The following CTNNBIP1 variants were observed in gnomAD, a reference collection of about 807,000 sequenced individuals.
The protein encoded by CTNNBIP1 is catenin beta interacting protein 1.
CTNNBIP1 carries 7 observed loss-of-function variants against 11.8 expected under a neutral mutation model. The observed-to-expected ratio is 0.60, with a 90% CI of 0.34 to 1.12. The LOEUF is 1.12. Among genes scored for constraint, CTNNBIP1 ranks in the 50% most tolerant of loss-of-function variants. The pLI is 0.03. For missense variants in CTNNBIP1, 101 were observed against 113.4 expected (o/e 0.89, Z 0.50); for synonymous variants, 58 against 43.9 (o/e 1.32, Z -1.26).
chr1:9,862,212 A>G (rs1306754533), intron 5 of CTNNBIP1, among the ~76,000 whole-genome samples: 2 of 152,086 alleles, frequency 1.3e-5, no homozygotes, highest in East Asian at 3.9e-4. Context: ...TTCACCTAAA[A>G]CCCTGACATA....
At chr1:9,898,447 C>T (rs1340404070) in intron 1 of CTNNBIP1, among the ~76,000 whole-genome samples, 1 of 152,090 alleles carries the variant, frequency 6.6e-6, no homozygotes, top group Non-Finnish European at 1.5e-5. Context: ...TCTGTGGAAT[C>T]TGGGAGTCGG....
intron 2 of CTNNBIP1, among the ~76,000 whole-genome samples, chr1:9,881,220 C>T (rs534956452): frequency 5.3e-5 from 8 of 151,120 alleles, no homozygotes; most frequent in Admixed American, 1.3e-4. Context: ...TTTTTTGTAG[C>T]GACAGGTTCT....
intron 1 of CTNNBIP1, among the ~76,000 whole-genome samples, chr1:9,896,176 C>G (rs540169828): frequency 2.1e-4 from 32 of 152,218 alleles, no homozygotes; most frequent in Admixed American, 4.6e-4. Flanking sequence ...TTAGGATGTT[C>G]CACAATCTGG....
intron 2 of CTNNBIP1, among the ~76,000 whole-genome samples, chr1:9,879,260 C>G (rs923798521): frequency 6.6e-6 from 1 of 152,070 alleles, no homozygotes; most frequent in Non-Finnish European, 1.5e-5. Context: ...CCACAGGGCT[C>G]TCCGCTGTCA....
intron 1 of CTNNBIP1, among the ~76,000 whole-genome samples, chr1:9,892,838 C>T (rs1639336543): frequency 6.6e-6 from 1 of 152,162 alleles, no homozygotes; most frequent in Non-Finnish European, 1.5e-5. Context: ...TCCCCTCCAG[C>T]TACCTCGGAA....
intron 1 of CTNNBIP1, among the ~76,000 whole-genome samples, chr1:9,901,237 C>T (rs1486951051): frequency 2.0e-5 from 3 of 152,168 alleles, no homozygotes; most frequent in Non-Finnish European, 4.4e-5. Flanking sequence ...GGATATTTGG[C>T]AAGGGTGCAA....
At chr1:9,873,142 T>G (rs1160688965) in intron 3 of CTNNBIP1, among the ~76,000 whole-genome samples, 2 of 152,142 alleles carry the variant, frequency 1.3e-5, no homozygotes, top group African/African-American at 2.4e-5. Flanking sequence ...CTGTAGGTAC[T>G]TGTCAACTGC....
chr1:9,869,666 T>G (rs1638821735), intron 5 of CTNNBIP1, among the ~76,000 whole-genome samples: 1 of 152,216 alleles, frequency 6.6e-6, no homozygotes, highest in African/African-American at 2.4e-5. Flanking sequence ...TACATTTTGA[T>G]GTCTCCTATT....
intron 5 of CTNNBIP1, among the ~76,000 whole-genome samples, chr1:9,856,796 G>A (rs1042808767): frequency 1.3e-5 from 2 of 151,800 alleles, no homozygotes; most frequent in African/African-American, 2.4e-5. Context: ...TTAAAGGCAT[G>A]AGCTACCATG....
chr1:9,889,548 A>T (rs1361817472), intron 1 of CTNNBIP1, among the ~76,000 whole-genome samples: 1 of 152,042 alleles, frequency 6.6e-6, no homozygotes, highest in Non-Finnish European at 1.5e-5. Context: ...CCTGAGACCA[A>T]GCCTCACAGA....
chr1:9,876,855 C>T (rs868520628), intron 3 of CTNNBIP1, among the ~76,000 whole-genome samples: 2,953 of 131,276 alleles, frequency 0.022, 95 homozygotes, highest in African/African-American at 0.1. Flanking sequence ...TACACACACA[C>T]ACACACACAC....
intron 1 of CTNNBIP1, among the ~76,000 whole-genome samples, chr1:9,902,324 C>A (rs1051308141): frequency 6.6e-6 from 1 of 152,152 alleles, no homozygotes; most frequent in African/African-American, 2.4e-5. Context: ...AATGGCAGAA[C>A]TTCAAAATCC....
chr1:9,901,995 A>G (rs1305475773), intron 1 of CTNNBIP1, among the ~76,000 whole-genome samples: 1 of 152,324 alleles, frequency 6.6e-6, no homozygotes, highest in East Asian at 1.9e-4. Context: ...GGAGGGAGAG[A>G]GGAACACTGT....
In CTNNBIP1 at chr1:9,871,919, T is replaced by C; in HGVS notation, c.96+50A>G. On this transcript the variant is annotated intron_variant, in intron 4 of 5. Coordinates refer to ENST00000377263, the MANE Select transcript of CTNNBIP1 (RefSeq NM_020248.3). The surrounding 1 kb of genome is among the most constrained non-coding windows in gnomAD (Gnocchi z 5.2). Reference sequence around the variant, plus strand: ...CCAATAGCCCAGCAGGGCCCCTCCCTGGGAGACCCTCCCTGGGGGCCCGCT... The same window carrying C: ...CCAATAGCCCAGCAGGGCCCCTCCCCGGGAGACCCTCCCTGGGGGCCCGCT... 1 of 1,513,926 alleles carries C rather than the reference T, an allele frequency of 6.6e-7. No individual in the cohort carries two copies. 93.8% of individuals were successfully genotyped at this position (1,513,926 alleles called of 1,614,324 possible). A position where few individuals can be genotyped will look rare whatever the true frequency, so the allele number is the denominator to read the frequency against.
At chr1:9,906,983 G>A (rs1204036740) in intron 1 of CTNNBIP1, among the ~76,000 whole-genome samples, 1 of 152,140 alleles carries the variant, frequency 6.6e-6, no homozygotes, top group Non-Finnish European at 1.5e-5. Flanking sequence ...AAACTAGCAG[G>A]CATCATAAGA....
rs959019829 is a variant in CTNNBIP1, at chr1:9,882,872, G to A, written c.-110+833C>T. Among the ~76,000 whole-genome samples, 13 of 152,366 alleles carry A rather than the reference G, an allele frequency of 8.5e-5. No individual in the cohort carries two copies. The South Asian group carries it at 2.5e-3, about 29-fold the overall frequency. On this transcript the variant is annotated intron_variant, in intron 2 of 5. Coordinates refer to ENST00000377263, the MANE Select transcript of CTNNBIP1 (RefSeq NM_020248.3). ...CAAGTGCACGTGCCCTTGGGATCAA[G>A]TCAGCACTACGGTGAACATTTGCAG...
At chr1:9,866,679 C>CAA (rs57899217) in intron 5 of CTNNBIP1, among the ~76,000 whole-genome samples, 5 of 107,238 alleles carry the variant, frequency 4.7e-5, no homozygotes, top group Non-Finnish European at 4.3e-5. Flanking sequence ...AACTCCTTCT[C>CAA]AAAAAAAAAA....
chr1:9,850,688 A>G lies in CTNNBIP1; in HGVS notation c.*30T>C, dbSNP rs189391503. ...CCACACAGATCTCTTGGCCCTCAAC[A>G]GCATCCAGGGTGTTCCAAGGGCTTT... On this transcript the variant is annotated 3_prime_UTR_variant, in exon 6 of 6. Transcript: ENST00000377263. 1.7e-4 allele frequency: 269 copies of G among 1,609,802 alleles called. 1 individual carries two copies. The East Asian group carries it at 5.7e-3, about 34-fold the overall frequency.
chr1:9,866,866 T>C (rs6695334), intron 5 of CTNNBIP1, among the ~76,000 whole-genome samples: 23,508 of 151,264 alleles, frequency 0.16, 5,125 homozygotes, highest in African/African-American at 0.48. Context: ...GGGCTGGAAA[T>C]GAGAGGGAGA....
Sources: allele counts gnomAD v4.1 joint callset (sites outside exome capture counted in the v4.1 genomes callset), GRCh38; gene constraint gnomAD v4.1.1; non-coding constraint Gnocchi (gnomAD v3.1); transcripts MANE v1.5; gene names NCBI Gene and HGNC (gene_info 2026-07-23, HGNC 2026-07-21).